The following SFXN5 variants were observed in gnomAD, a reference collection of about 807,000 sequenced individuals.
The protein encoded by SFXN5 is sideroflexin 5, also known as sideroflexin-5.
SFXN5 carries 43 observed loss-of-function variants against 50.2 expected under a neutral mutation model. The ratio of observed to expected loss-of-function variants is 0.86; its 90% CI spans 0.67 to 1.11. The LOEUF is 1.11. Ranked by LOEUF, SFXN5 falls within the 50% of genes least tolerant of loss-of-function variation. The pLI is 0.00. For synonymous variants in SFXN5, 203 were observed against 185.8 expected (o/e 1.09, Z -0.75); for missense variants, 463 against 454.1 (o/e 1.02, Z -0.18).
rs1396670857 is a variant in SFXN5 at position 73,058,574 on chromosome 2, C to T, written c.125G>A (p.Arg42Lys). Residue 42 changes from arginine (R) to lysine (K), a missense_variant, in exon 2 of 14, where the codon AGG becomes AAG. Arg to Lys is a conservative substitution (Grantham distance 26). Coordinates refer to ENST00000272433, the MANE Select transcript of SFXN5 (RefSeq NM_144579.3). ...AGGGTCGATGATATCCAAGAAGTGC[C>T]TGAAGCGGCCATAGAAGGACGTCTG... is the stretch of plus-strand genomic sequence containing the variant. Reference protein sequence around the residue: ...FQQTSFYGRFRHFLDIIDPRT... With the variant: ...FQQTSFYGRFKHFLDIIDPRT... 2 of 1,614,016 alleles carry T rather than the reference C, an allele frequency of 1.2e-6. No individual in the cohort carries two copies. Among genetic ancestry groups the T allele is most frequent in the Admixed American group, 3.3e-5 (2 of 60,006 alleles).
intron 6 of SFXN5, among the ~76,000 whole-genome samples, chr2:73,012,554 G>A (rs935323133): frequency 1.3e-5 from 2 of 150,914 alleles, no homozygotes; most frequent in African/African-American, 4.9e-5. Flanking sequence ...GTTCATGTAT[G>A]AAAGAGAAAA....
chr2:72,984,272 A>C (rs1671639074), intron 10 of SFXN5, among the ~76,000 whole-genome samples: 1 of 152,252 alleles, frequency 6.6e-6, no homozygotes, highest in Non-Finnish European at 1.5e-5. Flanking sequence ...AGGGGAGAGA[A>C]ATGGCTGCAG....
intron 1 of SFXN5, among the ~76,000 whole-genome samples, chr2:73,065,806 T>C (rs951754217): frequency 2.6e-5 from 4 of 152,160 alleles, no homozygotes; most frequent in Non-Finnish European, 4.4e-5. Context: ...CTGCCCGCCT[T>C]AGCCTCCCAA....
At chr2:73,043,878 T>C (rs1679959219) in intron 2 of SFXN5, among the ~76,000 whole-genome samples, 1 of 152,294 alleles carries the variant, frequency 6.6e-6, no homozygotes, top group Middle Eastern at 3.4e-3. Flanking sequence ...TTGGATTGTG[T>C]TGTTTCAACT....
At chr2:73,001,672 G>C in intron 6 of SFXN5, 94 bp from the exon 7 acceptor site, 1 of 1,227,608 alleles carries the variant, frequency 8.1e-7, no homozygotes, top group East Asian at 2.4e-5. Context: ...GAGTGAGCTG[G>C]ATCTGTACAA....
At chr2:73,059,362 C>T (rs1682558331) in intron 1 of SFXN5, 1 of 985,302 alleles carries the variant, frequency 1.0e-6, no homozygotes, top group Non-Finnish European at 1.2e-6. Flanking sequence ...GCTGCAATCG[C>T]TGGGGTTCAT....
chr2:73,051,961 A>T (rs908364046), intron 2 of SFXN5, among the ~76,000 whole-genome samples: 26 of 152,140 alleles, frequency 1.7e-4, no homozygotes, highest in Admixed American at 1.6e-3. Context: ...ATACTATCAC[A>T]TTCACCATTA....
In SFXN5 at chr2:73,040,919, C is replaced by T; in HGVS notation, c.184G>A (p.Glu62Lys). The change falls in exon 3 of 14, where the codon GAG becomes AAG. Residue 62 changes from glutamate (E) to lysine (K), a missense_variant. Physicochemically the swap from Glu to Lys is moderately conservative, Grantham distance 56. Coordinates refer to ENST00000272433, the MANE Select transcript of SFXN5 (RefSeq NM_144579.3). ...TAGTCCTCCAGCAGCTGCACAGCCT[C>T]TCTGAGACGTCTCTGCAGAAGAAAG... ...TLFVTERRLR[E>K]AVQLLEDYKH... 16 of 1,612,848 alleles carry T rather than the reference C, an allele frequency of 9.9e-6. No individual in the cohort carries two copies. The highest frequency in any genetic ancestry group is 1.4e-5 in the Non-Finnish European group (16 of 1,179,712).
chr2:72,959,090 C>T (rs567129223), intron 13 of SFXN5, among the ~76,000 whole-genome samples: 1 of 152,302 alleles, frequency 6.6e-6, no homozygotes, highest in Non-Finnish European at 1.5e-5. Context: ...CAGGAGCCCT[C>T]ACCTCTCCTC....
chr2:72,984,369 C>A (rs995978202), intron 10 of SFXN5, among the ~76,000 whole-genome samples: 1 of 152,242 alleles, frequency 6.6e-6, no homozygotes, highest in African/African-American at 2.4e-5. Flanking sequence ...CACACACACT[C>A]TGAAAAACTA....
At chr2:72,998,736 C>T (rs1327118390) in intron 9 of SFXN5, 1 of 570,972 alleles carries the variant, frequency 1.8e-6, no homozygotes, top group East Asian at 2.9e-5. Context: ...CTCACCTCCC[C>T]ACCTGCTCTC....
chr2:73,045,727 G>A (rs931658950), intron 2 of SFXN5, among the ~76,000 whole-genome samples: 2 of 152,056 alleles, frequency 1.3e-5, no homozygotes. Flanking sequence ...AGTGGGTCTC[G>A]GAGGCCCAAG....
At chr2:73,047,304 T>TACACAC in intron 2 of SFXN5, among the ~76,000 whole-genome samples, 1 of 62,436 alleles carries the variant, frequency 1.6e-5, no homozygotes, top group Non-Finnish European at 3.3e-5. Flanking sequence ...ATATAAAATA[T>TACACAC]ATATGTGTGT....
chr2:72,957,220 G>C, intron 13 of SFXN5: 2 of 371,788 alleles, frequency 5.4e-6, no homozygotes, highest in Non-Finnish European at 1.1e-5. Context: ...ATCATCTCTT[G>C]ATGTTCAATG....
chr2:73,007,502 C>T (rs1461415358), intron 6 of SFXN5, among the ~76,000 whole-genome samples: 1 of 152,192 alleles, frequency 6.6e-6, no homozygotes, highest in Non-Finnish European at 1.5e-5. Context: ...AGGTCTGTCA[C>T]GCGCTCTCCG....
chr2:72,967,481 G>A (rs771020482), intron 12 of SFXN5, among the ~76,000 whole-genome samples: 1 of 152,148 alleles, frequency 6.6e-6, no homozygotes, highest in African/African-American at 2.4e-5. Flanking sequence ...GGTGGCATTC[G>A]GGCAGAGGCC....
At position 72,978,025 on chromosome 2, in the gene SFXN5, C is replaced by A. The variant is rs1670845070; in HGVS notation, c.626-6340G>T. Among the ~76,000 whole-genome samples the A allele has an allele frequency of 2.0e-5, 3 of 147,440 alleles. No individual in the cohort carries two copies. The South Asian group carries it at 6.4e-4, about 31-fold the overall frequency. ...TAAGGAAAAAAAAAAAAAAGAAACTCTAACCCTACTCCAGTGTTCATCTAT... is the reference window on the plus strand; with the variant it reads ...TAAGGAAAAAAAAAAAAAAGAAACTATAACCCTACTCCAGTGTTCATCTAT... On this transcript the variant is annotated intron_variant, in intron 10 of 13. Transcript: ENST00000272433.
In SFXN5 at chr2:72,999,946, G is replaced by C. The variant is rs11895641; in HGVS notation, c.468+485C>G. ...GCTCTCCAAGGAGTGCAGGGGCTCT[G>C]GGGGGGAGTTACCAGCCCTGGACCC... On this transcript the variant is annotated intron_variant, in intron 8 of 13. Coordinates refer to ENST00000272433, the MANE Select transcript of SFXN5 (RefSeq NM_144579.3). 5.3e-5 allele frequency among the ~76,000 whole-genome samples: 8 copies of C among 152,182 alleles called. 1 individual carries two copies. In the East Asian group the frequency reaches 1.4e-3, roughly 26 times the overall value.
intron 2 of SFXN5, among the ~76,000 whole-genome samples, chr2:73,047,171 T>C (rs1175301637): frequency 2.3e-5 from 3 of 127,858 alleles, no homozygotes; most frequent in Non-Finnish European, 3.1e-5. Context: ...TAAGCCAAGA[T>C]CGCACCACTG....
Sources: allele counts gnomAD v4.1 joint callset (sites outside exome capture counted in the v4.1 genomes callset), GRCh38; gene constraint gnomAD v4.1.1; transcripts MANE v1.5; gene names NCBI Gene and HGNC (gene_info 2026-07-23, HGNC 2026-07-21).